The following DNAH7 variants were observed in gnomAD, a reference collection of about 807,000 sequenced individuals.
The protein encoded by DNAH7 is axonemal beta dynein heavy chain 7.
Under a neutral mutation model 444.6 loss-of-function variants are expected in DNAH7, and 397 were observed. The ratio of observed to expected loss-of-function variants is 0.89; its 90% CI spans 0.82 to 0.97. The LOEUF is 0.97. DNAH7 is among the 50% of genes least tolerant of loss of function. The pLI, the probability that DNAH7 is intolerant of heterozygous loss-of-function variation, is 0.00. For synonymous variants in DNAH7, 1,636 were observed against 1,624.4 expected (o/e 1.01, Z -0.17); for missense variants, 4,902 against 4,800.8 (o/e 1.02, Z -0.62).
intron 15 of DNAH7, among the ~76,000 whole-genome samples, chr2:195,980,013 G>A (rs896349170): frequency 7.4e-6 from 1 of 135,004 alleles, no homozygotes; most frequent in Middle Eastern, 4.7e-3. Context: ...CCCACGACCT[G>A]ATGGCTTCAC....
Position 195,900,388 on chromosome 2 carries a change from ATT to A in DNAH7, c.4440_4441del (p.Lys1480AsnfsTer42). The A allele has an allele frequency of 6.2e-7, 1 of 1,614,018 alleles. No individual in the cohort carries two copies. Among genetic ancestry groups the A allele is most frequent in the Non-Finnish European group, 8.5e-7 (1 of 1,179,932 alleles). On this transcript the variant is annotated frameshift_variant, in exon 28 of 65. Transcript: ENST00000312428. LOFTEE classifies it high-confidence loss of function. The stretch of plus-strand genomic sequence containing the variant: ...TGAACACAAGCGATACGTAGCCACA[ATT>A]TTTACAGACAGTGGTCGAGCAGTGA...
intron 10 of DNAH7, among the ~76,000 whole-genome samples, chr2:196,008,553 C>T (rs1186990119): frequency 6.6e-6 from 1 of 152,176 alleles, no homozygotes; most frequent in Non-Finnish European, 1.5e-5. Context: ...TGTCTTATAT[C>T]CATATACTGA....
Position 195,857,584 on chromosome 2 carries a change from C to T in DNAH7, c.8207G>A (p.Trp2736Ter). The T allele has an allele frequency of 6.2e-6, 10 of 1,613,962 alleles. No individual in the cohort carries two copies. Among genetic ancestry groups the T allele is most frequent in the Non-Finnish European group, 8.5e-6 (10 of 1,179,940 alleles). The change falls in exon 44 of 65, where the codon TGG (tryptophan) becomes TAG (stop). Residue 2736 changes from tryptophan (W) to a stop codon, truncating the protein, a stop_gained. Coordinates refer to ENST00000312428, the MANE Select transcript of DNAH7 (RefSeq NM_018897.3). LOFTEE classifies it high-confidence loss of function. ...TGSGKKIEDF[W>*]GPAKRLLGDM... is the part of the protein sequence containing the mutation. Reference sequence around the variant, plus strand: ...ACCAAGAAGTCTCTTAGCTGGGCCCCAGAAATCCTCAATTTTTTTCCCTGA... The same window carrying T: ...ACCAAGAAGTCTCTTAGCTGGGCCCTAGAAATCCTCAATTTTTTTCCCTGA...
chr2:195,949,055 A>T (rs940216838), intron 19 of DNAH7, among the ~76,000 whole-genome samples: 13 of 152,118 alleles, frequency 8.5e-5, no homozygotes, highest in African/African-American at 3.1e-4. Context: ...TTTTGTAGGA[A>T]TTGTGAATGG....
rs563083048 is a variant in DNAH7 at position 195,986,631 on chromosome 2, T to C, written c.1754+435A>G. 6.4e-4 allele frequency among the ~76,000 whole-genome samples: 98 copies of C among 152,254 alleles called. 2 individuals are homozygous for C. The highest frequency in any genetic ancestry group is 2.3e-3 in the African/African-American group (95 of 41,570). ...AATCCCTAGGTTAGTCACAAATGAATTTCCAGATAAAAGAAAAAGTTACCA... is the reference window on the plus strand; with the variant it reads ...AATCCCTAGGTTAGTCACAAATGAACTTCCAGATAAAAGAAAAAGTTACCA... On this transcript the variant is annotated intron_variant, in intron 14 of 64. Transcript: ENST00000312428.
At chr2:195,750,018 A>T (rs1441860413) in intron 63 of DNAH7, among the ~76,000 whole-genome samples, 1 of 151,982 alleles carries the variant, frequency 6.6e-6, no homozygotes, top group Non-Finnish European at 1.5e-5. Context: ...AAATAAAATA[A>T]ATAAATAAAT....
chr2:195,750,358 AT>A (rs2105900119), intron 63 of DNAH7, among the ~76,000 whole-genome samples: 1 of 152,318 alleles, frequency 6.6e-6, no homozygotes, highest in African/African-American at 2.4e-5. Flanking sequence ...ATGCTTATAA[AT>A]TCAGTCTTTT....
intron 12 of DNAH7, among the ~76,000 whole-genome samples, chr2:195,996,193 A>G (rs139771847): frequency 1.3e-5 from 2 of 152,318 alleles, no homozygotes; most frequent in Admixed American, 1.3e-4. Flanking sequence ...TCAAAGAAAG[A>G]CTACTTATTC....
rs893439293 is a variant in DNAH7 at position 195,824,300 on chromosome 2, A to G, written c.9246T>C (p.Thr3082=). The G allele has an allele frequency of 1.2e-6, 2 of 1,613,616 alleles. No homozygotes were observed. The highest frequency in any genetic ancestry group is 1.3e-5 in the African/African-American group (1 of 74,914). ...EYAPDFRFYI[T]TKLRNPHYLP... is the part of the protein sequence containing the mutation. The stretch of plus-strand genomic sequence containing the variant: ...GATAATGAGGATTTCTTAACTTGGT[A>G]GTAATATAGAAGCGGAAGTCAGGTG... Residue 3082 remains threonine (T), a synonymous_variant, in exon 49 of 65, where the codon ACT becomes ACC. Transcript: ENST00000312428.
At position 195,889,061 on chromosome 2, in the gene DNAH7, A is replaced by T. The variant is rs1350619135; in HGVS notation, c.5047-80T>A. 11 of 1,323,506 alleles carry T rather than the reference A, an allele frequency of 8.3e-6. No individual in the cohort carries two copies. In the East Asian group the frequency reaches 1.5e-4, roughly 18 times the overall value. The allele number at this position is 1,323,506 out of a possible 1,614,324, so 82.0% of individuals were successfully genotyped here. On this transcript the variant is annotated intron_variant, in intron 31 of 64. Transcript: ENST00000312428. ...AAACAGTTCAATAATATTATTTCAA[A>T]ATTTTAAAATATAAGTACTAGGATT...
chr2:196,032,997 C>CAAA (rs1163692058), intron 5 of DNAH7, among the ~76,000 whole-genome samples: 1 of 152,030 alleles, frequency 6.6e-6, no homozygotes, highest in Non-Finnish European at 1.5e-5. Flanking sequence ...GAATAAAGAA[C>CAAA]AAAAACCAAA....
chr2:196,026,641 TA>T, intron 7 of DNAH7, 118 bp downstream of exon 7: 1 of 693,456 alleles, frequency 1.4e-6, no homozygotes, highest in Non-Finnish European at 2.3e-6. Flanking sequence ...AACAGCAATG[TA>T]AGAAATGGCA....
intron 45 of DNAH7, among the ~76,000 whole-genome samples, chr2:195,853,742 A>G (rs1259080578): frequency 6.6e-6 from 1 of 152,142 alleles, no homozygotes; most frequent in African/African-American, 2.4e-5. Flanking sequence ...ATGAATGAAT[A>G]TTTACCATAT....
chr2:195,943,613 G>C (rs1559253571), intron 19 of DNAH7, among the ~76,000 whole-genome samples: 1 of 152,172 alleles, frequency 6.6e-6, no homozygotes, highest in Non-Finnish European at 1.5e-5. Context: ...GCACCCAGCA[G>C]TGTTGGTGAG....
chr2:196,053,833 A>G (rs2125871607), intron 2 of DNAH7, among the ~76,000 whole-genome samples: 1 of 152,326 alleles, frequency 6.6e-6, no homozygotes. Flanking sequence ...AAATGTGAGC[A>G]CAACAGGAAA....
Position 195,823,553 on chromosome 2 carries a change from C to T in DNAH7, c.9291+702G>A, listed in dbSNP as rs2889108. 1.0e-3 allele frequency among the ~76,000 whole-genome samples: 159 copies of T among 151,948 alleles called. 8 individuals are homozygous for T. The South Asian group carries it at 0.026, about 25-fold the overall frequency. On this transcript the variant is annotated intron_variant, in intron 49 of 64. Transcript: ENST00000312428. ...TTTGAATTCACTATATAACTCTTGC[C>T]TCTCTATATAACTTTCAAAATCTAA...
At position 195,740,748 on chromosome 2, in the gene DNAH7, T is replaced by C; in HGVS notation, c.11868+18A>G. The C allele has an allele frequency of 7.9e-7, 1 of 1,262,310 alleles. No homozygotes were observed. Among genetic ancestry groups the C allele is most frequent in the Non-Finnish European group, 1.1e-6 (1 of 947,982 alleles). 78.2% of individuals were successfully genotyped at this position (1,262,310 alleles called of 1,614,324 possible). ...TATAAAATAATTCCACATGTATATA[T>C]AATTAGAATTTACTAACCACAGGCA... On this transcript the variant is annotated intron_variant, in intron 64 of 64. Coordinates refer to ENST00000312428, the MANE Select transcript of DNAH7 (RefSeq NM_018897.3).
At chr2:195,945,905 T>A (rs567430652) in intron 19 of DNAH7, among the ~76,000 whole-genome samples, 141 of 152,236 alleles carry the variant, frequency 9.3e-4, no homozygotes, top group African/African-American at 3.2e-3. Flanking sequence ...TCCACTTACT[T>A]CATCTCCATC....
chr2:195,989,413 CTATTTG>C (rs1487252059), intron 12 of DNAH7, among the ~76,000 whole-genome samples: 2 of 152,084 alleles, frequency 1.3e-5, no homozygotes, highest in African/African-American at 4.8e-5. Context: ...ATTGTGGTTT[CTATTTG>C]TATTTCTCTG....
Sources: gnomAD v4.1 joint callset for allele counts (sites outside exome capture counted in the v4.1 genomes callset) on GRCh38, gnomAD v4.1.1 for gene constraint, MANE v1.5 for transcripts, NCBI Gene and HGNC (gene_info 2026-07-23, HGNC 2026-07-21) for gene names.